Variants in DAB1 observed in about 807,000 individuals in gnomAD.
DAB1 encodes DAB adaptor protein 1.
A neutral mutation model predicts 64.6 loss-of-function variants in DAB1; 15 were observed. The observed-to-expected ratio is 0.23, with a 90% CI of 0.16 to 0.36. The LOEUF is 0.36. DAB1 is among the 10% of genes least tolerant of loss of function. DAB1 has a pLI of 1.00. For missense variants in DAB1, 596 were observed against 706.7 expected (o/e 0.84, Z 1.78); for synonymous variants, 235 against 251.9 (o/e 0.93, Z 0.64).
In DAB1 at chr1:56,995,727, G is replaced by T. The variant is rs940274209; in HGVS notation, c.*2417C>A. The T allele has an allele frequency of 1.3e-5, 2 of 152,170 alleles. No homozygotes were observed. The highest frequency in any genetic ancestry group is 1.9e-4 in the East Asian group (1 of 5,184). 9.4% of individuals were successfully genotyped at this position (152,170 alleles called of 1,614,324 possible). ...ATTGAGGGAGAAGATAGCACCACTTGTTTAGAATCAAATCATAGGCAACAA... is the reference window on the plus strand; with the variant it reads ...ATTGAGGGAGAAGATAGCACCACTTTTTTAGAATCAAATCATAGGCAACAA... On this transcript the variant is annotated 3_prime_UTR_variant, in exon 15 of 15. Coordinates refer to ENST00000371236, the MANE Select transcript of DAB1 (RefSeq NM_001365792.1).
rs565789832 is a variant in DAB1 at position 58,085,157 on chromosome 1, G to A, written n.387+65354C>T. 1.3e-4 allele frequency among the ~76,000 whole-genome samples: 20 copies of A among 152,258 alleles called. No individual in the cohort carries two copies. In the South Asian group the frequency reaches 4.1e-3, roughly 32 times the overall value. ...TGACATTGTCTCTTACTCAGGAGTG[G>A]TGGGACCTAGTGCAGACAAGACAGA... On this transcript the variant is annotated intron_variant and non_coding_transcript_variant, in intron 5 of 20. Transcript: ENST00000485760.
chr1:57,829,041 A>C (rs1329762116), intron 1 of DAB1, among the ~76,000 whole-genome samples: 1 of 152,062 alleles, frequency 6.6e-6, no homozygotes, highest in African/African-American at 2.4e-5. Flanking sequence ...CTAGTAGCGC[A>C]CTCTTTTAGA....
At chr1:58,173,115 TA>T (rs570961237) in intron 4 of DAB1, among the ~76,000 whole-genome samples, 2 of 152,214 alleles carry the variant, frequency 1.3e-5, no homozygotes, top group Non-Finnish European at 2.9e-5. Flanking sequence ...TAGAAATACC[TA>T]CAGAAGGATG....
chr1:57,487,273 T>G lies in DAB1; in HGVS notation n.625+162319A>C, dbSNP rs910284376. Among the ~76,000 whole-genome samples, 3 of 152,244 alleles carry G rather than the reference T, an allele frequency of 2.0e-5. No homozygotes were observed. In the East Asian group the frequency reaches 5.8e-4, roughly 29 times the overall value. ...CCACAGTGAGCCCTCATCCACAGTC[T>G]CCAGCTTTTGGTGGTCTTCCTGGCA... On this transcript the variant is annotated intron_variant and non_coding_transcript_variant, in intron 7 of 20. Transcript: ENST00000485760.
intron 5 of DAB1, among the ~76,000 whole-genome samples, chr1:57,946,164 C>A (rs997832552): frequency 1.3e-5 from 2 of 152,208 alleles, no homozygotes; most frequent in African/African-American, 4.8e-5. Flanking sequence ...TTCCACCTCC[C>A]AGCATGGAGA....
intron 5 of DAB1, among the ~76,000 whole-genome samples, chr1:57,889,657 G>A (rs1051026605): frequency 6.6e-6 from 1 of 152,190 alleles, no homozygotes; most frequent in Admixed American, 6.5e-5. Flanking sequence ...CTTTATGCAG[G>A]GGAGCTATGG....
chr1:57,269,604 T>G (rs1402085571), intron 2 of DAB1, among the ~76,000 whole-genome samples: 1 of 152,102 alleles, frequency 6.6e-6, no homozygotes, highest in East Asian at 1.9e-4. Context: ...TTCTTTAACT[T>G]AACAATGTAG....
chr1:57,412,634 G>T (rs79741929), intron 1 of DAB1, among the ~76,000 whole-genome samples: 15,870 of 152,220 alleles, frequency 0.1, 890 homozygotes, highest in Middle Eastern at 0.16. Context: ...ACAAGACACA[G>T]TATTTCCTTA....
intron 6 of DAB1, among the ~76,000 whole-genome samples, chr1:57,727,677 C>T (rs189065350): frequency 8.6e-5 from 13 of 150,928 alleles, no homozygotes; most frequent in Admixed American, 4.0e-4. Flanking sequence ...TCTCTTTCTC[C>T]TTTCTCTCTT....
chr1:58,191,797 C>T (rs1051937198), intron 4 of DAB1, among the ~76,000 whole-genome samples: 1 of 152,112 alleles, frequency 6.6e-6, no homozygotes, highest in Admixed American at 6.5e-5. Flanking sequence ...TTTGTGTCTT[C>T]GCAGGTGCCT....
intron 6 of DAB1, among the ~76,000 whole-genome samples, chr1:57,811,223 C>T (rs892257797): frequency 6.6e-6 from 1 of 152,184 alleles, no homozygotes; most frequent in South Asian, 2.1e-4. Flanking sequence ...TGTGTCCCCA[C>T]CCAAATCTCA....
At chr1:57,052,574 C>G (rs1159302993) in intron 9 of DAB1, among the ~76,000 whole-genome samples, 1 of 152,176 alleles carries the variant, frequency 6.6e-6, no homozygotes, top group African/African-American at 2.4e-5. Flanking sequence ...GAGTGAGCTA[C>G]TATAATGTCA....
rs963853128 is a variant in DAB1, at chr1:57,265,426, T to TC, written c.67+25537dup. On this transcript the variant is annotated intron_variant, in intron 2 of 14. Transcript: ENST00000371236. ...CTGACATTTTAAATAGAACTCTCTTTCCCCCTCCCTGTTCTTTTAGGAAGT... is the reference window on the plus strand; with the variant it reads ...CTGACATTTTAAATAGAACTCTCTTTCCCCCCTCCCTGTTCTTTTAGGAAGT... Among the ~76,000 whole-genome samples the TC allele has an allele frequency of 6.2e-4, 94 of 152,270 alleles. 1 individual carries two copies. In the Middle Eastern group the frequency reaches 0.01, roughly 17 times the overall value.
chr1:58,196,444 C>A (rs913280542), intron 4 of DAB1, among the ~76,000 whole-genome samples: 3 of 152,292 alleles, frequency 2.0e-5, no homozygotes, highest in African/African-American at 7.2e-5. Flanking sequence ...TCATATACTT[C>A]TGGTGACAGT....
At chr1:57,326,085 G>A (rs956420108) in intron 1 of DAB1, among the ~76,000 whole-genome samples, 4 of 152,196 alleles carry the variant, frequency 2.6e-5, no homozygotes, top group Admixed American at 6.5e-5. Context: ...CGATGAAAAG[G>A]GGGTACTCCC....
chr1:58,485,485 G>T (rs912537301), intron 3 of DAB1, among the ~76,000 whole-genome samples: 2 of 151,868 alleles, frequency 1.3e-5, no homozygotes, highest in Non-Finnish European at 2.9e-5. Flanking sequence ...TGTGTGAACT[G>T]TTTCTCCTCC....
chr1:57,870,161 C>A (rs969619171), intron 1 of DAB1, among the ~76,000 whole-genome samples: 2 of 152,104 alleles, frequency 1.3e-5, no homozygotes, highest in African/African-American at 4.8e-5. Context: ...ATCTAAGTGG[C>A]ATATGCAAGG....
At chr1:57,435,908 T>C (rs1021504278) in intron 7 of DAB1, among the ~76,000 whole-genome samples, 6 of 151,440 alleles carry the variant, frequency 4.0e-5, no homozygotes, top group African/African-American at 9.7e-5. Flanking sequence ...TAGACTTTTT[T>C]TTTCTTTCTT....
At chr1:57,116,063 A>G (rs1656074721) in intron 4 of DAB1, among the ~76,000 whole-genome samples, 1 of 151,990 alleles carries the variant, frequency 6.6e-6, no homozygotes, top group South Asian at 2.1e-4. Flanking sequence ...CATGGCAGTG[A>G]CCTCTGTGGC....
Sources: gnomAD v4.1 joint callset for allele counts (sites outside exome capture counted in the v4.1 genomes callset) on GRCh38, gnomAD v4.1.1 for gene constraint, MANE v1.5 for transcripts, NCBI Gene and HGNC (gene_info 2026-07-23, HGNC 2026-07-21) for gene names.